The following KCTD20 variants were observed in gnomAD, a reference collection of about 807,000 sequenced individuals.
KCTD20 encodes the protein potassium channel tetramerization domain containing 20.
A neutral mutation model predicts 39.6 loss-of-function variants in KCTD20; 30 were observed. That is an observed-to-expected ratio of 0.76 (90% confidence interval 0.57 to 1.03). KCTD20 has a LOEUF of 1.03. KCTD20 is among the 50% of genes least tolerant of loss of function. KCTD20 has a pLI of 0.00. For missense variants in KCTD20, 422 were observed against 522.0 expected, an observed-to-expected ratio of 0.81 and a Z score of 1.87; for synonymous variants, 162 against 180.6, an observed-to-expected ratio of 0.90 and a Z score of 0.83.
chr6:36,484,884 A>C, intron 7 of KCTD20, 60 bp downstream of exon 7: 1 of 969,048 alleles, frequency 1.0e-6, no homozygotes, highest in Non-Finnish European at 1.6e-6. Flanking sequence ...CACAGCTTAC[A>C]TCCTCAAAAT....
chr6:36,461,028 TTAAA>T (rs1013921311), intron 1 of KCTD20, among the ~76,000 whole-genome samples: 11 of 152,174 alleles, frequency 7.2e-5, no homozygotes, highest in Admixed American at 1.3e-4. Context: ...TATAAAGTAC[TTAAA>T]TAATATATAG....
In KCTD20 at chr6:36,466,405, A is replaced by G. The variant is rs541787992; in HGVS notation, c.-46-3647A>G. 5.0e-3 allele frequency among the ~76,000 whole-genome samples: 714 copies of G among 143,320 alleles called. 2 individuals carry two copies. The highest frequency in any genetic ancestry group is 6.9e-3 in the Admixed American group (99 of 14,256). 94.0% of individuals were successfully genotyped at this position (143,320 alleles called of 152,430 possible). A position where few individuals can be genotyped will look rare whatever the true frequency, so the allele number is the denominator to read the frequency against. On this transcript the variant is annotated intron_variant, in intron 1 of 7. Transcript: ENST00000373731. ...TTCTCTTTTTTTTTTTTTTTGAAAC[A>G]GGGTCTTGCTCTGCTGCTCAGGCTG...
chr6:36,484,435 T>C (rs1776356186), intron 6 of KCTD20, among the ~76,000 whole-genome samples: 1 of 152,210 alleles, frequency 6.6e-6, no homozygotes, highest in Admixed American at 6.5e-5. Context: ...TTTTTAGCTT[T>C]GGTAAACGGT....
intron 1 of KCTD20, among the ~76,000 whole-genome samples, chr6:36,468,551 T>A (rs1168924204): frequency 6.6e-6 from 1 of 152,224 alleles, no homozygotes; most frequent in Non-Finnish European, 1.5e-5. Flanking sequence ...TCTTTGGTAA[T>A]GTTCTTTCCA....
intron 1 of KCTD20, among the ~76,000 whole-genome samples, chr6:36,468,117 T>C (rs1370841897): frequency 6.6e-6 from 1 of 152,222 alleles, no homozygotes; most frequent in Non-Finnish European, 1.5e-5. Flanking sequence ...AGGAATATAT[T>C]TGTGTATTAC....
intron 1 of KCTD20, among the ~76,000 whole-genome samples, chr6:36,454,748 C>T (rs182310516): frequency 5.3e-5 from 8 of 152,162 alleles, no homozygotes; most frequent in Admixed American, 5.2e-4. Flanking sequence ...AGCAGTTCTC[C>T]CGCCTCAGTC....
chr6:36,459,207 G>T (rs1311026311), intron 1 of KCTD20, among the ~76,000 whole-genome samples: 2 of 152,170 alleles, frequency 1.3e-5, no homozygotes. Flanking sequence ...AGCTACTCGG[G>T]AGGCTGAGGC....
chr6:36,458,313 C>T (rs9470285), intron 1 of KCTD20, among the ~76,000 whole-genome samples: 86,230 of 151,298 alleles, frequency 0.57, 26,251 homozygotes, highest in Middle Eastern at 0.74. Flanking sequence ...CCGAGGTGGG[C>T]GGATCACCTG....
At chr6:36,485,275 T>C (rs992907887) in intron 7 of KCTD20, among the ~76,000 whole-genome samples, 33 of 151,860 alleles carry the variant, frequency 2.2e-4, no homozygotes, top group Non-Finnish European at 7.4e-5. Flanking sequence ...ACCAAGGTAA[T>C]TGCACTCCAG....
At chr6:36,457,443 C>CAA (rs1201714532) in intron 1 of KCTD20, among the ~76,000 whole-genome samples, 1 of 152,160 alleles carries the variant, frequency 6.6e-6, no homozygotes, top group Non-Finnish European at 1.5e-5. Flanking sequence ...TACGGGGACT[C>CAA]ACGCCTATAA....
intron 3 of KCTD20, among the ~76,000 whole-genome samples, chr6:36,476,140 G>A (rs1776054982): frequency 6.6e-6 from 1 of 152,158 alleles, no homozygotes; most frequent in South Asian, 2.1e-4. Context: ...TAGGAGTAAA[G>A]AGATTGTCTT....
In KCTD20 at chr6:36,474,977, G is replaced by A. The variant is rs1285191509; in HGVS notation, c.349G>A (p.Glu117Lys). Residue 117 changes from glutamate to lysine, a missense_variant, in exon 3 of 8, where the codon GAG (glutamate) becomes AAG (lysine). Glu to Lys is a moderately conservative substitution (Grantham distance 56). Transcript: ENST00000373731. Reference sequence around the variant, plus strand: ...CAGTAATTCCCATTCCCAAGCACCAGAGAAAGTGACGCTTCTTGTAGATGG... The same window carrying A: ...CAGTAATTCCCATTCCCAAGCACCAAAGAAAGTGACGCTTCTTGTAGATGG... ...FGSNSHSQAP[E>K]KVTLLVDGTR... 6 of 1,614,140 alleles carry A rather than the reference G, an allele frequency of 3.7e-6. No homozygotes were observed. In the East Asian group the frequency reaches 1.3e-4, roughly 36 times the overall value.
In KCTD20 at chr6:36,462,822, C is replaced by T. The variant is rs1044251594; in HGVS notation, c.-46-7230C>T. The stretch of plus-strand genomic sequence containing the variant: ...CTCACTCCTAGACAATTTTAGTAAC[C>T]TTCTCTTATAGCCCCTCCAGTCTGT... On this transcript the variant is annotated intron_variant, in intron 1 of 7. Coordinates refer to ENST00000373731, the MANE Select transcript of KCTD20 (RefSeq NM_173562.5). Among the ~76,000 whole-genome samples, 4 of 152,126 alleles carry T rather than the reference C, an allele frequency of 2.6e-5. No homozygotes were observed. The South Asian group carries it at 8.3e-4, about 32-fold the overall frequency.
At chr6:36,453,812 T>C (rs1328898577) in intron 1 of KCTD20, among the ~76,000 whole-genome samples, 1 of 152,162 alleles carries the variant, frequency 6.6e-6, no homozygotes, top group African/African-American at 2.4e-5. Flanking sequence ...GCCCGGCCTC[T>C]AATATATGTT....
At position 36,490,229 on chromosome 6, in the gene KCTD20, C is replaced by T. The variant is rs1361461829; in HGVS notation, c.*3054C>T. ...TGGAGGATTTTTGTTAAGTGTCAATCGAAGTTAAAAAGCAAGGGTTTTTGG... is the reference window on the plus strand; with the variant it reads ...TGGAGGATTTTTGTTAAGTGTCAATTGAAGTTAAAAAGCAAGGGTTTTTGG... On this transcript the variant is annotated 3_prime_UTR_variant, in exon 8 of 8. Transcript: ENST00000373731. 6.7e-6 allele frequency: 1 copy of T among 148,564 alleles called. No individual in the cohort carries two copies. Among genetic ancestry groups the T allele is most frequent in the Non-Finnish European group, 1.5e-5 (1 of 67,112 alleles). 9.2% of individuals were successfully genotyped at this position (148,564 alleles called of 1,614,324 possible).
intron 1 of KCTD20, among the ~76,000 whole-genome samples, chr6:36,463,990 A>T (rs1234739395): frequency 2.0e-5 from 3 of 152,208 alleles, no homozygotes; most frequent in Non-Finnish European, 2.9e-5. Flanking sequence ...AATACATTTT[A>T]AAAATAATGG....
Position 36,488,759 on chromosome 6 carries a change from T to C in KCTD20, c.*1584T>C, listed in dbSNP as rs557395055. On this transcript the variant is annotated 3_prime_UTR_variant, in exon 8 of 8. Coordinates refer to ENST00000373731, the MANE Select transcript of KCTD20 (RefSeq NM_173562.5). ...TTCCATTTAATGACTGTCCTAGTCA[T>C]AATCATCCAAAGATAAAAGCCAGGT... The C allele has an allele frequency of 1.3e-5, 2 of 152,542 alleles. No homozygotes were observed. Among genetic ancestry groups the C allele is most frequent in the African/African-American group, 4.8e-5 (2 of 41,578 alleles). 9.4% of individuals were successfully genotyped at this position (152,542 alleles called of 1,614,324 possible).
chr6:36,448,832 T>G (rs1485389734), intron 1 of KCTD20, among the ~76,000 whole-genome samples: 3 of 152,352 alleles, frequency 2.0e-5, no homozygotes, highest in African/African-American at 7.2e-5. Context: ...CCTTCACATG[T>G]TCAGATGTGT....
At chr6:36,450,034 G>C (rs1213392079) in intron 1 of KCTD20, among the ~76,000 whole-genome samples, 3 of 151,900 alleles carry the variant, frequency 2.0e-5, no homozygotes, top group Non-Finnish European at 4.4e-5. Flanking sequence ...CGTGGTTGCA[G>C]GCGCCTGTAG....
Sources: gnomAD v4.1 joint callset for allele counts (sites outside exome capture counted in the v4.1 genomes callset) on GRCh38, gnomAD v4.1.1 for gene constraint, MANE v1.5 for transcripts, NCBI Gene and HGNC (gene_info 2026-07-23, HGNC 2026-07-21) for gene names.